The following DACH2 variants were observed in gnomAD, a reference collection of about 807,000 sequenced individuals.
The protein encoded by DACH2 is dachshund homolog 2.
DACH2 carries 17 observed loss-of-function variants against 35.8 expected under a neutral mutation model. The ratio of observed to expected loss-of-function variants is 0.48; its 90% CI spans 0.33 to 0.71. DACH2 has a LOEUF of 0.71. DACH2 is among the 30% of genes least tolerant of loss of function. The pLI, the probability that DACH2 is intolerant of heterozygous loss-of-function variation, is 0.02. For synonymous variants in DACH2, 195 were observed against 177.3 expected, an observed-to-expected ratio of 1.10 and a Z score of -0.79; for missense variants, 469 against 472.7, an observed-to-expected ratio of 0.99 and a Z score of 0.07.
chrX:86,578,103 G>A (rs993588409), intron 3 of DACH2, among the ~76,000 whole-genome samples: 28 of 111,327 alleles, frequency 2.5e-4, no homozygotes, highest in Non-Finnish European at 4.5e-4. Flanking sequence ...AGAGACCCAG[G>A]CTTGATTGGT....
intron 1 of DACH2, among the ~76,000 whole-genome samples, chrX:86,167,119 T>C (rs1320732399): frequency 4.5e-5 from 5 of 111,390 alleles, no homozygotes; most frequent in African/African-American, 1.6e-4. Context: ...TTCGGAATAG[T>C]TTGAGTAGTA....
At chrX:86,637,361 A>T (rs149783890) in intron 3 of DACH2, among the ~76,000 whole-genome samples, 6,071 of 109,286 alleles carry the variant, frequency 0.056, 166 homozygotes, top group East Asian at 0.15. Flanking sequence ...ACCCAAAAAA[A>T]ATATACTATT....
intron 1 of DACH2, among the ~76,000 whole-genome samples, chrX:86,254,567 T>G (rs1440285878): frequency 1.9e-5 from 2 of 107,268 alleles, no homozygotes; most frequent in Non-Finnish European, 3.8e-5. Flanking sequence ...TAAAGGATCC[T>G]TGCATCTATT....
intron 3 of DACH2, among the ~76,000 whole-genome samples, chrX:86,627,351 G>T (rs983817305): frequency 1.2e-4 from 13 of 111,516 alleles, no homozygotes; most frequent in Non-Finnish European, 1.7e-4. Context: ...AGGTTTTATT[G>T]TATCTATTTA....
At chrX:86,182,584 G>C (rs1340818258) in intron 1 of DACH2, among the ~76,000 whole-genome samples, 3 of 110,975 alleles carry the variant, frequency 2.7e-5, no homozygotes, top group Non-Finnish European at 5.7e-5. Context: ...TCTTGGCCTT[G>C]TAGTATAGTT....
At chrX:86,638,198 T>G (rs187345063) in intron 3 of DACH2, among the ~76,000 whole-genome samples, 180 of 111,784 alleles carry the variant, frequency 1.6e-3, no homozygotes, top group African/African-American at 5.4e-3. Flanking sequence ...CTGGGAACAT[T>G]GGATTACCAT....
At chrX:86,753,933 C>T (rs1171552422) in intron 7 of DACH2, among the ~76,000 whole-genome samples, 1 of 81,778 alleles carries the variant, frequency 1.2e-5, no homozygotes, top group African/African-American at 4.4e-5. Flanking sequence ...AATATGAGCT[C>T]ACAATAAAAA....
At chrX:86,250,884 G>A (rs2033386780) in intron 1 of DACH2, among the ~76,000 whole-genome samples, 1 of 111,110 alleles carries the variant, frequency 9.0e-6, no homozygotes, top group African/African-American at 3.3e-5. Flanking sequence ...TGAGGCTACA[G>A]CATTGATTAT....
At chrX:86,528,380 T>A (rs901868688) in intron 3 of DACH2, among the ~76,000 whole-genome samples, 24 of 111,404 alleles carry the variant, frequency 2.2e-4, no homozygotes, top group Non-Finnish European at 4.3e-4. Flanking sequence ...AGGAGAAAAA[T>A]TATTTTCCTT....
rs181245644 is a variant in DACH2 at position 86,791,324 on chromosome X, T to C, written c.1241-21532T>C. On this transcript the variant is annotated intron_variant, in intron 7 of 11. Coordinates refer to ENST00000373125, the MANE Select transcript of DACH2 (RefSeq NM_053281.3). ...TAGAACACTACTTAAAGAAATGATC[T>C]CCAGGAATGCTAGAAGAATCATACA... Among the ~76,000 whole-genome samples, 766 of 111,939 alleles carry C rather than the reference T, an allele frequency of 6.8e-3. 1 individual carries two copies. Among genetic ancestry groups the C allele is most frequent in the Non-Finnish European group, 0.012 (638 of 53,136 alleles).
At chrX:86,547,063 A>G (rs1382686154) in intron 3 of DACH2, among the ~76,000 whole-genome samples, 1 of 110,653 alleles carries the variant, frequency 9.0e-6, no homozygotes, top group African/African-American at 3.3e-5. Context: ...AATTCAGGCC[A>G]TGCACCTGTG....
intron 1 of DACH2, among the ~76,000 whole-genome samples, chrX:86,268,823 C>T (rs999596779): frequency 2.9e-4 from 32 of 110,530 alleles, no homozygotes; most frequent in African/African-American, 7.9e-4. Flanking sequence ...TGTGACTCAC[C>T]GAGCCTGGAC....
intron 2 of DACH2, among the ~76,000 whole-genome samples, chrX:86,454,809 C>T (rs781434252): frequency 2.7e-5 from 3 of 111,915 alleles, no homozygotes; most frequent in Non-Finnish European, 5.6e-5. Flanking sequence ...ACTTCTGTGC[C>T]CTTGCTGGAC....
At chrX:86,222,328 T>A (rs1437128334) in intron 1 of DACH2, among the ~76,000 whole-genome samples, 1 of 112,086 alleles carries the variant, frequency 8.9e-6, no homozygotes, top group Non-Finnish European at 1.9e-5. Context: ...TTCTAGAAGA[T>A]GACCTGTGCT....
chrX:86,322,002 G>T (rs747478556), intron 1 of DACH2, among the ~76,000 whole-genome samples: 1 of 110,285 alleles, frequency 9.1e-6, no homozygotes, highest in Non-Finnish European at 1.9e-5. Flanking sequence ...TGGTGCAGTT[G>T]GAAGGGGCAC....
intron 2 of DACH2, among the ~76,000 whole-genome samples, chrX:86,499,842 G>A (rs995244497): frequency 1.3e-4 from 14 of 111,787 alleles, no homozygotes; most frequent in Admixed American, 4.8e-4. Flanking sequence ...GCAATCATGT[G>A]CTGGTAAATG....
At chrX:86,642,876 A>G (rs936446541) in intron 3 of DACH2, among the ~76,000 whole-genome samples, 4 of 112,100 alleles carry the variant, frequency 3.6e-5, no homozygotes, top group African/African-American at 1.3e-4. Context: ...TAATGAAATT[A>G]AGACAGAAAT....
intron 1 of DACH2, among the ~76,000 whole-genome samples, chrX:86,151,663 A>G (rs1228155504): frequency 1.8e-5 from 2 of 111,683 alleles, no homozygotes; most frequent in African/African-American, 3.2e-5. Context: ...ATAATAATGC[A>G]TTTAATAAAT....
At chrX:86,469,185 G>A (rs2037723411) in intron 2 of DACH2, among the ~76,000 whole-genome samples, 1 of 111,006 alleles carries the variant, frequency 9.0e-6, no homozygotes, top group African/African-American at 3.3e-5. Flanking sequence ...TAAAATGGTG[G>A]TTACCAGAGG....
Sources: allele counts gnomAD v4.1 joint callset (sites outside exome capture counted in the v4.1 genomes callset), GRCh38; gene constraint gnomAD v4.1.1; transcripts MANE v1.5; gene names NCBI Gene and HGNC (gene_info 2026-07-23, HGNC 2026-07-21).